The following ICA1 variants were observed in gnomAD, a reference collection of about 807,000 sequenced individuals.
ICA1 encodes 69 kDa islet cell autoantigen.
In ICA1, 40 loss-of-function variants were observed where a neutral mutation model predicts 71.0. That is an observed-to-expected ratio of 0.56 (90% CI 0.44 to 0.73). The LOEUF is 0.73. Among genes scored for constraint, ICA1 ranks in the 30% least tolerant of loss-of-function variants. The pLI is 0.00. For synonymous variants in ICA1, 207 were observed against 209.5 expected, an observed-to-expected ratio of 0.99 and a Z score of 0.10; for missense variants, 578 against 576.5, an observed-to-expected ratio of 1.00 and a Z score of -0.03.
At chr7:8,157,412 C>T (rs1802022649) in intron 7 of ICA1, 198 bp from the exon 8 acceptor site, 6 of 557,060 alleles carry the variant, frequency 1.1e-5, no homozygotes, top group Admixed American at 3.6e-5. Flanking sequence ...CCAAATGCTG[C>T]CTCCCAGAAC....
At chr7:8,248,151 C>CT (rs1806769711) in intron 1 of ICA1, among the ~76,000 whole-genome samples, 1 of 152,184 alleles carries the variant, frequency 6.6e-6, no homozygotes, top group African/African-American at 2.4e-5. Flanking sequence ...AATTAATTAA[C>CT]TTTACAACTT....
intron 6 of ICA1, among the ~76,000 whole-genome samples, chr7:8,200,974 A>G (rs1164725220): frequency 6.6e-6 from 1 of 152,236 alleles, no homozygotes; most frequent in African/African-American, 2.4e-5. Flanking sequence ...CTTGATGCCA[A>G]AAAACCCCAC....
chr7:8,158,503 T>C (rs1488036108), intron 7 of ICA1, 24 bp downstream of exon 7: 6 of 1,613,008 alleles, frequency 3.7e-6, no homozygotes, highest in East Asian at 2.2e-5. Flanking sequence ...CCTTGGTTCA[T>C]TGCAACAAAC....
intron 8 of ICA1, chr7:8,156,722 A>T: frequency 9.4e-7 from 1 of 1,061,458 alleles, no homozygotes; most frequent in Non-Finnish European, 1.3e-6. Flanking sequence ...AGGATATTTG[A>T]ATATAATAAT....
At position 8,222,164 on chromosome 7, in the gene ICA1, G is replaced by T. The variant is rs1030823270; in HGVS notation, c.257-766C>A. On this transcript the variant is annotated intron_variant, in intron 4 of 13. Coordinates refer to ENST00000402384, the MANE Select transcript of ICA1 (RefSeq NM_001136020.3). This position sits in a 1 kb window ranked among gnomAD's most constrained non-coding sequence, Gnocchi z 4.8. The stretch of plus-strand genomic sequence containing the variant: ...ACTTCCTAAGGAAGTAGCAAAATGG[G>T]CACAAAGATGTAAATGCAAAAACAA... Among the ~76,000 whole-genome samples the T allele has an allele frequency of 6.6e-6, 1 of 152,214 alleles. No homozygotes were observed. The highest frequency in any genetic ancestry group is 1.9e-4 in the East Asian group (1 of 5,180).
intron 6 of ICA1, among the ~76,000 whole-genome samples, chr7:8,195,528 G>A (rs1787170810): frequency 6.6e-6 from 1 of 151,398 alleles, no homozygotes; most frequent in African/African-American, 2.4e-5. Flanking sequence ...GGCAACAAGA[G>A]TGAAACTCTA....
chr7:8,180,182 C>T (rs1202351752), intron 6 of ICA1, among the ~76,000 whole-genome samples: 1 of 152,020 alleles, frequency 6.6e-6, no homozygotes, highest in African/African-American at 2.4e-5. Context: ...ATTCTATCCC[C>T]AGTCAATACC....
At position 8,127,994 on chromosome 7, in the gene ICA1, C is replaced by T. The variant is rs374530697; in HGVS notation, c.1209G>A (p.Val403=). The change falls in exon 13 of 14, where the codon GTG becomes GTA. Residue 403 remains valine, a synonymous_variant. Coordinates refer to ENST00000402384, the MANE Select transcript of ICA1 (RefSeq NM_001136020.3). The part of the protein sequence containing the change: ...EWAAVFGDGQ[V]KEPVPTMALG... ...GGGCCATAGTGGGCACTGGCTCCTT[C>T]ACTTGGCCGTCTCCAAACACAGCGG... is the stretch of plus-strand genomic sequence containing the variant. The T allele has an allele frequency of 3.3e-5, 53 of 1,614,098 alleles. No individual in the cohort carries two copies. Among genetic ancestry groups the T allele is most frequent in the Admixed American group, 2.8e-4 (17 of 59,996 alleles).
rs574926413 is a variant in ICA1, at chr7:8,173,971, A to G, written c.580-15319T>C. 6.6e-6 allele frequency among the ~76,000 whole-genome samples: 1 copy of G among 152,286 alleles called. No homozygotes were observed. The highest frequency in any genetic ancestry group is 1.9e-4 in the East Asian group (1 of 5,180). On this transcript the variant is annotated intron_variant, in intron 6 of 13. Transcript: ENST00000402384. The surrounding 1 kb of genome is among the most constrained non-coding windows in gnomAD (Gnocchi z 4.0). ...GTTGGTGAAAATAAAGCATTGTAAG[A>G]AAGATATGAGTGCAGGGTTTGGAGG...
At chr7:8,256,597 T>C (rs1302575795) in intron 1 of ICA1, among the ~76,000 whole-genome samples, 1 of 152,156 alleles carries the variant, frequency 6.6e-6, no homozygotes, top group Non-Finnish European at 1.5e-5. Flanking sequence ...CTCGTCTCTA[T>C]CCCTCTCCCC....
chr7:8,165,884 GAA>G (rs1445477052), intron 6 of ICA1, among the ~76,000 whole-genome samples: 1 of 152,140 alleles, frequency 6.6e-6, no homozygotes, highest in Non-Finnish European at 1.5e-5. Context: ...GACACAGATG[GAA>G]AAATATTCCA....
chr7:8,155,881 G>C (rs931796201), intron 8 of ICA1, among the ~76,000 whole-genome samples: 3 of 152,184 alleles, frequency 2.0e-5, no homozygotes, highest in Non-Finnish European at 4.4e-5. Context: ...GGAAGGCTGA[G>C]GGCACACTGT....
At chr7:8,161,875 G>A (rs568023078) in intron 6 of ICA1, among the ~76,000 whole-genome samples, 39 of 152,298 alleles carry the variant, frequency 2.6e-4, no homozygotes, top group African/African-American at 9.1e-4. Flanking sequence ...TGAGTGTTAT[G>A]GTTGCTTATT....
At chr7:8,198,557 A>G (rs1788470440) in intron 6 of ICA1, among the ~76,000 whole-genome samples, 1 of 152,200 alleles carries the variant, frequency 6.6e-6, no homozygotes, top group Non-Finnish European at 1.5e-5. Context: ...TGGAAGGCAG[A>G]CTTGAAGCAG....
chr7:8,215,931 G>A lies in ICA1; in HGVS notation c.579+2374C>T, dbSNP rs141884081. ...TCCCTGGGAGAGAAATGGAGACTCT[G>A]TTTAAAATGGAATCCTACTGGGACA... is the stretch of plus-strand genomic sequence containing the variant. On this transcript the variant is annotated intron_variant, in intron 6 of 13. Coordinates refer to ENST00000402384, the MANE Select transcript of ICA1 (RefSeq NM_001136020.3). Among the ~76,000 whole-genome samples, 684 of 152,300 alleles carry A rather than the reference G, an allele frequency of 4.5e-3. 6 individuals are homozygous for A. The highest frequency in any genetic ancestry group is 0.034 in the Middle Eastern group (10 of 294).
intron 6 of ICA1, among the ~76,000 whole-genome samples, chr7:8,179,116 T>C (rs945364532): frequency 3.3e-5 from 5 of 152,210 alleles, no homozygotes; most frequent in African/African-American, 4.8e-5. Flanking sequence ...CAGGCAACAC[T>C]GAAAGGCAAG....
At chr7:8,232,925 C>G (rs1361526840) in intron 2 of ICA1, among the ~76,000 whole-genome samples, 170 bp from the exon 3 acceptor site, 2 of 152,236 alleles carry the variant, frequency 1.3e-5, no homozygotes, top group East Asian at 1.9e-4. Context: ...AGTTCATCAA[C>G]TCTTTCTGAC....
chr7:8,181,693 G>A (rs951081469), intron 6 of ICA1, among the ~76,000 whole-genome samples: 1 of 152,140 alleles, frequency 6.6e-6, no homozygotes, highest in African/African-American at 2.4e-5. Flanking sequence ...TCTGTGATAA[G>A]ATGTATTTTT....
At chr7:8,128,217 C>T (rs767064732) in intron 12 of ICA1, 75 bp from the exon 13 acceptor site, 26 of 1,472,640 alleles carry the variant, frequency 1.8e-5, no homozygotes, top group African/African-American at 1.1e-4. Context: ...GTGGGGGCTG[C>T]GAAGGGGGAG....
Sources: gnomAD v4.1 joint callset for allele counts (sites outside exome capture counted in the v4.1 genomes callset) on GRCh38, gnomAD v4.1.1 for gene constraint, Gnocchi (gnomAD v3.1) non-coding constraint, MANE v1.5 for transcripts, NCBI Gene and HGNC (gene_info 2026-07-23, HGNC 2026-07-21) for gene names.